PRDM6: variants seen among roughly 807,000 people sequenced by gnomAD.
PRDM6 encodes the protein PR/SET domain 6.
In PRDM6, 25 loss-of-function variants were observed where a neutral mutation model predicts 60.8. That is an observed-to-expected ratio of 0.41 (90% CI 0.30 to 0.57). The LOEUF (loss-of-function observed/expected upper bound fraction) is 0.57, where lower values mean the gene tolerates loss of function less well. Ranked by LOEUF, PRDM6 falls within the 20% of genes least tolerant of loss-of-function variation. The pLI, the probability that PRDM6 is intolerant of heterozygous loss-of-function variation, is 0.27. For synonymous variants in PRDM6, 407 were observed against 357.4 expected (o/e 1.14, Z -1.57); for missense variants, 839 against 821.3 (o/e 1.02, Z -0.26).
At chr5:123,156,237 C>T (rs947534957) in intron 4 of PRDM6, among the ~76,000 whole-genome samples, 44 of 152,216 alleles carry the variant, frequency 2.9e-4, no homozygotes, top group African/African-American at 8.9e-4. Flanking sequence ...CTCCTTCACT[C>T]CGTGCACATG....
Position 123,099,107 on chromosome 5 carries a change from A to G in PRDM6, c.593-547A>G, listed in dbSNP as rs1268772019. ...GTGATTTTAAATCGTCTCCTGTGTA[A>G]TTGTAAAAAGAGGAAAGCTGAATAC... is the stretch of plus-strand genomic sequence containing the variant. On this transcript the variant is annotated intron_variant, in intron 2 of 7. Transcript: ENST00000407847. This position sits in a 1 kb window ranked among gnomAD's most constrained non-coding sequence, Gnocchi z 4.0. Among the ~76,000 whole-genome samples the G allele has an allele frequency of 6.6e-6, 1 of 152,186 alleles. No individual in the cohort carries two copies. Among genetic ancestry groups the G allele is most frequent in the Non-Finnish European group, 1.5e-5 (1 of 68,040 alleles).
chr5:123,133,220 A>C (rs1375465660), intron 3 of PRDM6, among the ~76,000 whole-genome samples: 3 of 152,178 alleles, frequency 2.0e-5, no homozygotes, highest in Non-Finnish European at 4.4e-5. Flanking sequence ...CATTTAAAAG[A>C]AAGTATTCTT....
intron 3 of PRDM6, among the ~76,000 whole-genome samples, chr5:123,143,316 A>G (rs1311436537): frequency 1.3e-5 from 2 of 152,066 alleles, no homozygotes; most frequent in South Asian, 2.1e-4. Context: ...AAGCTTCTCT[A>G]TAGACCCGAC....
At chr5:123,169,708 A>G (rs1358679907) in intron 5 of PRDM6, among the ~76,000 whole-genome samples, 1 of 152,198 alleles carries the variant, frequency 6.6e-6, no homozygotes, top group Non-Finnish European at 1.5e-5. Context: ...ATACTTGCCC[A>G]AGGCTAGTAA....
chr5:123,123,513 A>G (rs993164754), intron 3 of PRDM6, among the ~76,000 whole-genome samples: 12 of 152,196 alleles, frequency 7.9e-5, no homozygotes, highest in African/African-American at 2.4e-4. Flanking sequence ...AAGTGGCTGC[A>G]TTTCATTGGT....
intron 6 of PRDM6, among the ~76,000 whole-genome samples, chr5:123,177,743 C>G (rs1766049786): frequency 6.6e-6 from 1 of 152,156 alleles, no homozygotes; most frequent in Non-Finnish European, 1.5e-5. Context: ...GGGTCATGCA[C>G]ATTTGTCAAT....
intron 5 of PRDM6, among the ~76,000 whole-genome samples, chr5:123,167,473 T>C (rs2126881457): frequency 6.6e-6 from 1 of 152,060 alleles, no homozygotes; most frequent in East Asian, 1.9e-4. Flanking sequence ...CACCGCAACC[T>C]CTGCCTCCCA....
At chr5:123,178,060 G>A (rs1766056833) in intron 6 of PRDM6, among the ~76,000 whole-genome samples, 1 of 152,050 alleles carries the variant, frequency 6.6e-6, no homozygotes, top group Non-Finnish European at 1.5e-5. Context: ...TTTGATATAA[G>A]AATTCAACAT....
At chr5:123,103,202 TTTC>T (rs1377840086) in intron 3 of PRDM6, among the ~76,000 whole-genome samples, 1 of 152,032 alleles carries the variant, frequency 6.6e-6, no homozygotes, top group African/African-American at 2.4e-5. Flanking sequence ...AGAGTTGTTT[TTTC>T]TTTTTTTGCA....
At chr5:123,116,393 T>C (rs937691932) in intron 3 of PRDM6, among the ~76,000 whole-genome samples, 4 of 152,240 alleles carry the variant, frequency 2.6e-5, no homozygotes, top group Non-Finnish European at 5.9e-5. Flanking sequence ...TTAGGAGCTT[T>C]GCATTCTAAA....
intron 6 of PRDM6, among the ~76,000 whole-genome samples, chr5:123,179,061 A>C (rs912045054): frequency 4.6e-5 from 7 of 152,240 alleles, no homozygotes; most frequent in Non-Finnish European, 7.3e-5. Flanking sequence ...GAATCCTGTC[A>C]AGGAATGATA....
intron 3 of PRDM6, among the ~76,000 whole-genome samples, chr5:123,109,216 T>A (rs1764256318): frequency 6.6e-6 from 1 of 152,178 alleles, no homozygotes; most frequent in South Asian, 2.1e-4. Context: ...TCAAGTATCT[T>A]TGAAATGCTT....
At chr5:123,149,404 G>A (rs1235549467) in intron 3 of PRDM6, among the ~76,000 whole-genome samples, 1 of 152,122 alleles carries the variant, frequency 6.6e-6, no homozygotes, top group Non-Finnish European at 1.5e-5. Flanking sequence ...GTAAGTTGGG[G>A]CTCCCTCTGG....
rs1763801078 is a variant in PRDM6, at chr5:123,090,410, G to GC, written c.402dup (p.Lys135GlnfsTer169). 2.7e-6 allele frequency: 4 copies of GC among 1,457,872 alleles called. No homozygotes were observed. Among genetic ancestry groups the GC allele is most frequent in the African/African-American group, 1.5e-5 (1 of 67,664 alleles). The allele number at this position is 1,457,872 out of a possible 1,614,324, so 90.3% of individuals were successfully genotyped here. A position where few individuals can be genotyped will look rare whatever the true frequency, so the allele number is the denominator to read the frequency against. ...CCGCTGCCGTCGCCGCCGAGCCGCTGCCCCCCAAGGAACTGTGCCTCGGCG... is the reference window on the plus strand; with the variant it reads ...CCGCTGCCGTCGCCGCCGAGCCGCTGCCCCCCCAAGGAACTGTGCCTCGGCG... On this transcript the variant is annotated frameshift_variant, in exon 2 of 8. Transcript: ENST00000407847. LOFTEE classifies it high-confidence loss of function.
chr5:123,152,828 C>T (rs1386519500), intron 3 of PRDM6, among the ~76,000 whole-genome samples: 7 of 152,192 alleles, frequency 4.6e-5, no homozygotes, highest in Admixed American at 1.3e-4. Context: ...CACAATACAA[C>T]TCCTTTCTTG....
intron 3 of PRDM6, among the ~76,000 whole-genome samples, chr5:123,129,352 C>A (rs953004427): frequency 4.6e-5 from 7 of 152,130 alleles, no homozygotes; most frequent in Admixed American, 3.3e-4. Flanking sequence ...TTACCTTGGG[C>A]AGTATGGCCA....
At position 123,099,799 on chromosome 5, in the gene PRDM6, C is replaced by A. The variant is rs544707069; in HGVS notation, c.738C>A (p.Arg246=). Residue 246 remains arginine (R), a synonymous_variant, in exon 3 of 8, where the codon CGC becomes CGA. Coordinates refer to ENST00000407847, the MANE Select transcript of PRDM6 (RefSeq NM_001136239.4). This position sits in a 1 kb window ranked among gnomAD's most constrained non-coding sequence, Gnocchi z 4.0. The part of the protein sequence containing the change: ...ELPEWLRDLP[R]EVCLCTSTVP... ...CGGAGTGGCTGCGGGACCTGCCTCG[C>A]GAGGTGTGCCTCTGCACCAGTACTG... is the stretch of plus-strand genomic sequence containing the variant. 6.5e-7 allele frequency: 1 copy of A among 1,549,118 alleles called. No homozygotes were observed. Among genetic ancestry groups the A allele is most frequent in the Admixed American group, 2.0e-5 (1 of 50,920 alleles).
At chr5:123,142,982 C>G (rs335160) in intron 3 of PRDM6, among the ~76,000 whole-genome samples, 2 of 150,340 alleles carry the variant, frequency 1.3e-5, no homozygotes, top group Non-Finnish European at 3.0e-5. Context: ...AGTGAGATCA[C>G]GTACTTCAGA....
chr5:123,098,200 C>T (rs1764002653), intron 2 of PRDM6, among the ~76,000 whole-genome samples: 2 of 152,232 alleles, frequency 1.3e-5, no homozygotes, highest in South Asian at 2.1e-4. Context: ...AGGCTGGCGG[C>T]GGCAGGTACC....
Sources: allele counts gnomAD v4.1 joint callset (sites outside exome capture counted in the v4.1 genomes callset), GRCh38; gene constraint gnomAD v4.1.1; non-coding constraint Gnocchi (gnomAD v3.1); transcripts MANE v1.5; gene names NCBI Gene and HGNC (gene_info 2026-07-23, HGNC 2026-07-21).